COL11A1: variants seen among roughly 807,000 people sequenced by gnomAD.
COL11A1 encodes the protein collagen alpha-1(XI) chain.
A neutral mutation model predicts 265.2 loss-of-function variants in COL11A1; 74 were observed. The ratio of observed to expected loss-of-function variants is 0.28; its 90% CI spans 0.23 to 0.34. The LOEUF (loss-of-function observed/expected upper bound fraction) is 0.34, where lower values mean the gene tolerates loss of function less well. Among genes scored for constraint, COL11A1 ranks in the 10% least tolerant of loss-of-function variants. The probability of loss-of-function intolerance (pLI) is 1.00; values close to 1 mark genes in which losing one functional copy is unlikely to be tolerated. For missense variants in COL11A1, 2,165 were observed against 2,263.6 expected, an observed-to-expected ratio of 0.96 and a Z score of 0.88; for synonymous variants, 816 against 727.6, an observed-to-expected ratio of 1.12 and a Z score of -1.96.
At chr1:102,925,413 G>T (rs1656485509) in intron 46 of COL11A1, among the ~76,000 whole-genome samples, 1 of 151,908 alleles carries the variant, frequency 6.6e-6, no homozygotes, top group Non-Finnish European at 1.5e-5. Context: ...GAACTTTACT[G>T]AATATATTTA....
At chr1:103,047,374 G>C (rs1030018963) in intron 4 of COL11A1, among the ~76,000 whole-genome samples, 2 of 152,238 alleles carry the variant, frequency 1.3e-5, no homozygotes, top group Middle Eastern at 3.4e-3. Context: ...TAAAAATTGT[G>C]AGTGGGAATT....
At chr1:103,021,865 G>A (rs1206813068) in intron 8 of COL11A1, 96 bp from the exon 9 acceptor site, 3 of 951,630 alleles carry the variant, frequency 3.2e-6, no homozygotes, top group East Asian at 2.5e-5. Flanking sequence ...TTTCTTTTTT[G>A]AAGACGGAGT....
intron 53 of COL11A1, among the ~76,000 whole-genome samples, chr1:102,913,433 ACT>A (rs1296279538): frequency 2.6e-5 from 4 of 152,112 alleles, no homozygotes; most frequent in Non-Finnish European, 5.9e-5. Context: ...CATTATAAAT[ACT>A]GTTTATTAAT....
chr1:102,914,237 T>TC, intron 52 of COL11A1, 115 bp downstream of exon 52: 1 of 828,726 alleles, frequency 1.2e-6, no homozygotes, highest in Non-Finnish European at 2.0e-6. Flanking sequence ...GTTTTCTTTT[T>TC]CTTTCTGTTT....
intron 4 of COL11A1, among the ~76,000 whole-genome samples, chr1:103,056,129 GAAC>G (rs1335221678): frequency 1.3e-5 from 2 of 152,146 alleles, no homozygotes; most frequent in South Asian, 2.1e-4. Context: ...TAGCTGAGCA[GAAC>G]AACTGTTGTC....
intron 49 of COL11A1, among the ~76,000 whole-genome samples, chr1:102,918,441 T>C (rs1047099272): frequency 2.0e-5 from 3 of 151,878 alleles, no homozygotes; most frequent in African/African-American, 7.2e-5. Context: ...AAGATACTGG[T>C]TTTTTTATTC....
chr1:102,949,271 T>C (rs966698127), intron 41 of COL11A1, among the ~76,000 whole-genome samples: 1 of 152,196 alleles, frequency 6.6e-6, no homozygotes, highest in African/African-American at 2.4e-5. Context: ...TTTTGTTTAG[T>C]ATTTCACTTC....
At chr1:102,934,197 A>G (rs1022592332) in intron 46 of COL11A1, among the ~76,000 whole-genome samples, 7 of 152,152 alleles carry the variant, frequency 4.6e-5, no homozygotes, top group Non-Finnish European at 1.0e-4. Flanking sequence ...AAGTGTAATA[A>G]TTAAGGTGGG....
chr1:102,947,685 A>AT (rs1364148776), intron 41 of COL11A1, among the ~76,000 whole-genome samples: 3 of 151,964 alleles, frequency 2.0e-5, no homozygotes, highest in Non-Finnish European at 4.4e-5. Context: ...ATATATATAG[A>AT]TTTTTGAAAA....
chr1:103,062,828 A>G (rs1490605042), intron 4 of COL11A1, among the ~76,000 whole-genome samples: 1 of 151,980 alleles, frequency 6.6e-6, no homozygotes, highest in African/African-American at 2.4e-5. Flanking sequence ...AGATTACATA[A>G]TTGTCTAGGT....
At chr1:103,102,970 G>C (rs757667701) in intron 1 of COL11A1, among the ~76,000 whole-genome samples, 4 of 152,074 alleles carry the variant, frequency 2.6e-5, no homozygotes, top group Middle Eastern at 6.8e-3. Context: ...AATTAAATTT[G>C]TAATAGTTGT....
At chr1:102,979,200 C>A (rs1662800315) in intron 32 of COL11A1, 96 bp from the exon 33 acceptor site, 1 of 1,308,034 alleles carries the variant, frequency 7.6e-7, no homozygotes, top group Non-Finnish European at 1.1e-6. Context: ...ATCATTCATT[C>A]ATTCATTCAT....
At chr1:102,932,518 C>G (rs1424359853) in intron 46 of COL11A1, among the ~76,000 whole-genome samples, 1 of 152,058 alleles carries the variant, frequency 6.6e-6, no homozygotes, top group African/African-American at 2.4e-5. Flanking sequence ...TCTGGCTGCC[C>G]TTAACATTTT....
intron 1 of COL11A1, among the ~76,000 whole-genome samples, chr1:103,105,448 G>A (rs987374060): frequency 6.6e-6 from 1 of 152,044 alleles, no homozygotes; most frequent in African/African-American, 2.4e-5. Context: ...GACTAGGTAT[G>A]AAGTCATAAA....
At chr1:103,025,929 C>A (rs1667475475) in intron 6 of COL11A1, 1 of 1,612,100 alleles carries the variant, frequency 6.2e-7, no homozygotes, top group Admixed American at 1.7e-5. Context: ...TCCTCATCTT[C>A]TTTTTGAAAT....
At chr1:102,983,808 A>T (rs1342075016) in intron 31 of COL11A1, among the ~76,000 whole-genome samples, 1 of 151,864 alleles carries the variant, frequency 6.6e-6, no homozygotes, top group South Asian at 2.1e-4. Flanking sequence ...CCTTAGGATA[A>T]TAGAAAGGAA....
At chr1:103,002,572 T>G in intron 22 of COL11A1, 91 bp from the exon 23 acceptor site, 6 of 1,208,286 alleles carry the variant, frequency 5.0e-6, no homozygotes, top group Non-Finnish European at 6.0e-6. Context: ...CTACCCACCC[T>G]CAAACAGTTT....
At chr1:103,059,921 G>A (rs1172979035) in intron 4 of COL11A1, among the ~76,000 whole-genome samples, 3 of 151,968 alleles carry the variant, frequency 2.0e-5, no homozygotes, top group Non-Finnish European at 4.4e-5. Context: ...AGGAATACAA[G>A]GAGAAAGAGA....
At chr1:102,942,845 A>G (rs1658874130) in intron 42 of COL11A1, among the ~76,000 whole-genome samples, 1 of 152,100 alleles carries the variant, frequency 6.6e-6, no homozygotes, top group African/African-American at 2.4e-5. Flanking sequence ...ACAACTTATC[A>G]CAATTCTGAA....
Sources: allele counts gnomAD v4.1 joint callset (sites outside exome capture counted in the v4.1 genomes callset), GRCh38; gene constraint gnomAD v4.1.1; transcripts MANE v1.5; gene names NCBI Gene and HGNC (gene_info 2026-07-23, HGNC 2026-07-21).